The following SHTN1 variants were observed in gnomAD, a reference collection of about 807,000 sequenced individuals.
SHTN1 encodes the protein shootin 1.
A neutral mutation model predicts 83.1 loss-of-function variants in SHTN1; 42 were observed. The ratio of observed to expected loss-of-function variants is 0.51; its 90% CI spans 0.39 to 0.65. SHTN1 has a LOEUF of 0.65. SHTN1 is among the 30% of genes least tolerant of loss of function. SHTN1 has a pLI of 0.00. For synonymous variants in SHTN1, 224 were observed against 247.7 expected, an observed-to-expected ratio of 0.90 and a Z score of 0.90; for missense variants, 622 against 737.8, an observed-to-expected ratio of 0.84 and a Z score of 1.82.
At chr10:116,933,118 C>G (rs1043754440) in intron 9 of SHTN1, among the ~76,000 whole-genome samples, 3 of 152,016 alleles carry the variant, frequency 2.0e-5, no homozygotes, top group African/African-American at 4.8e-5. Flanking sequence ...ACCTGTCCAT[C>G]CAGAGGTACT....
intron 13 of SHTN1, among the ~76,000 whole-genome samples, chr10:116,912,515 G>A (rs1038553246): frequency 6.6e-6 from 1 of 152,200 alleles, no homozygotes; most frequent in African/African-American, 2.4e-5. Flanking sequence ...TTTGAGTTAG[G>A]TGTCTTGATT....
chr10:116,904,477 A>G (rs915175083), intron 15 of SHTN1, among the ~76,000 whole-genome samples: 3 of 151,954 alleles, frequency 2.0e-5, no homozygotes, highest in Admixed American at 1.3e-4. Flanking sequence ...AGGAAACTCA[A>G]AGGAAATTTC....
In SHTN1 at chr10:117,005,123, G is replaced by A. The variant is rs538268797; in HGVS notation, c.-44C>T. 26 of 1,569,034 alleles carry A rather than the reference G, an allele frequency of 1.7e-5. No homozygotes were observed. In the East Asian group the frequency reaches 5.5e-4, roughly 33 times the overall value. ...GAATAAAAGGGAAAGAGGGAGCGGC[G>A]CGGGGCACACAGGAGGAGGGGGAAG... On this transcript the variant is annotated 5_prime_UTR_variant, in exon 1 of 17. Transcript: ENST00000355371.
At chr10:117,101,632 G>A (rs1853596171) in intron 1 of SHTN1, among the ~76,000 whole-genome samples, 1 of 152,184 alleles carries the variant, frequency 6.6e-6, no homozygotes, top group African/African-American at 2.4e-5. Context: ...TAAAAGTGTG[G>A]AACAAGGTCC....
chr10:117,016,833 A>G (rs1361928425), intron 2 of SHTN1, among the ~76,000 whole-genome samples: 1 of 152,212 alleles, frequency 6.6e-6, no homozygotes, highest in African/African-American at 2.4e-5. Flanking sequence ...TCATGTTGAT[A>G]TTAATATATA....
intron 11 of SHTN1, among the ~76,000 whole-genome samples, chr10:116,924,746 ATTTTTTTTTTTTTTTTTTT>A (rs201343735): frequency 4.5e-5 from 4 of 89,528 alleles, no homozygotes; most frequent in African/African-American, 1.6e-4. Flanking sequence ...ATTTTCACCT[ATTTTTTTTTTTTTTTTTTT>A]TTTTTTTTTT....
At chr10:116,953,945 G>T in intron 5 of SHTN1, 97 bp downstream of exon 5, 1 of 1,078,284 alleles carries the variant, frequency 9.3e-7, no homozygotes. Flanking sequence ...TCAGTATTTT[G>T]AAAGCTTCCC....
chr10:116,994,668 T>C (rs1205442505), intron 1 of SHTN1, among the ~76,000 whole-genome samples: 1 of 152,136 alleles, frequency 6.6e-6, no homozygotes, highest in African/African-American at 2.4e-5. Context: ...CTATTTGCTT[T>C]TGAAGCCTTT....
chr10:116,953,623 GTTTTTTTTTTT>G (rs759706275), intron 5 of SHTN1, among the ~76,000 whole-genome samples: 3 of 92,720 alleles, frequency 3.2e-5, no homozygotes, highest in South Asian at 4.2e-4. Flanking sequence ...TTTGTGTTTT[GTTTTTTTTTTT>G]TTTTTTTTTT....
At position 116,931,608 on chromosome 10, in the gene SHTN1, T is replaced by A. The variant is rs188444908; in HGVS notation, c.859-1606A>T. Among the ~76,000 whole-genome samples, 331 of 152,314 alleles carry A rather than the reference T, an allele frequency of 2.2e-3. 1 individual carries two copies. The highest frequency in any genetic ancestry group is 7.5e-3 in the African/African-American group (311 of 41,572). ...TAACCTAAATGTCCACCAATATTTT[T>A]AGTTTAATAAATTATAGCATGTTTA... On this transcript the variant is annotated intron_variant, in intron 9 of 16. Transcript: ENST00000355371.
intron 1 of SHTN1, among the ~76,000 whole-genome samples, chr10:117,084,520 G>A (rs1198124355): frequency 6.6e-6 from 1 of 152,230 alleles, no homozygotes. Context: ...CAGAGGTGGA[G>A]CCTACAGAGG....
chr10:117,039,620 T>C (rs765803547), intron 2 of SHTN1, among the ~76,000 whole-genome samples: 3 of 152,046 alleles, frequency 2.0e-5, no homozygotes, highest in Non-Finnish European at 2.9e-5. Flanking sequence ...TTTGGGAGGC[T>C]GAGGGGGCAG....
In SHTN1 at chr10:116,883,849, G is replaced by A. The variant is rs1047546500; in HGVS notation, c.*2495C>T. The stretch of plus-strand genomic sequence containing the variant: ...TTCAGCTGCTGAAACTGCTGTGGGT[G>A]AGGACTTTGTTTGAGACCAGCTCAC... On this transcript the variant is annotated 3_prime_UTR_variant, in exon 17 of 17. Transcript: ENST00000355371. The A allele has an allele frequency of 5.4e-6, 1 of 183,980 alleles. No individual in the cohort carries two copies. Among genetic ancestry groups the A allele is most frequent in the Non-Finnish European group, 1.2e-5 (1 of 86,316 alleles). 11.4% of individuals were successfully genotyped at this position (183,980 alleles called of 1,614,324 possible).
intron 2 of SHTN1, among the ~76,000 whole-genome samples, chr10:117,040,168 G>A (rs1387507608): frequency 1.3e-5 from 2 of 152,112 alleles, no homozygotes; most frequent in African/African-American, 4.8e-5. Context: ...ACTGTTTTTA[G>A]ATACTGAAAA....
At position 117,124,190 on chromosome 10, in the gene SHTN1, T is replaced by C. The variant is rs1425808527; in HGVS notation, c.-189+2117A>G. 2.8e-5 allele frequency among the ~76,000 whole-genome samples: 4 copies of C among 144,290 alleles called. No individual in the cohort carries two copies. In the East Asian group the frequency reaches 6.3e-4, roughly 23 times the overall value. The allele number at this position is 144,290 out of a possible 152,430, so 94.7% of individuals were successfully genotyped here. On this transcript the variant is annotated intron_variant, in intron 1 of 17. Transcript: ENST00000392901. Reference sequence around the variant, plus strand: ...CTGCACCACTGCACTCCAGCCTGGGTGACAGAGCAAGATTATGTCTCAAAA... The same window carrying C: ...CTGCACCACTGCACTCCAGCCTGGGCGACAGAGCAAGATTATGTCTCAAAA...
At chr10:117,110,721 G>A (rs1011460070) in intron 1 of SHTN1, among the ~76,000 whole-genome samples, 1 of 152,126 alleles carries the variant, frequency 6.6e-6, no homozygotes, top group African/African-American at 2.4e-5. Context: ...CTGCAGCGAG[G>A]AAGTCTGAGT....
intron 1 of SHTN1, among the ~76,000 whole-genome samples, chr10:117,112,478 GA>G (rs1853781939): frequency 6.6e-6 from 1 of 152,312 alleles, no homozygotes; most frequent in South Asian, 2.1e-4. Context: ...ATGTTATTAA[GA>G]CCTTACAACG....
intron 16 of SHTN1, chr10:116,900,342 C>T (rs1847687491): frequency 1.7e-6 from 1 of 585,798 alleles, no homozygotes; most frequent in Non-Finnish European, 3.0e-6. Flanking sequence ...TTGAGCTTCA[C>T]ATCTGCCTTT....
Position 117,004,563 on chromosome 10 carries a change from A to C in SHTN1, c.58+459T>G, listed in dbSNP as rs201848982. ...AGGAAAGAGGAACTAGACCGAATCC[A>C]AACGAAAAGCTGGGAAGGGTGTGAA... On this transcript the variant is annotated intron_variant, in intron 1 of 16. Transcript: ENST00000355371. Among the ~76,000 whole-genome samples the C allele has an allele frequency of 1.7e-4, 26 of 152,304 alleles. No individual in the cohort carries two copies. The East Asian group carries it at 4.8e-3, about 28-fold the overall frequency.
Sources: allele counts gnomAD v4.1 joint callset (sites outside exome capture counted in the v4.1 genomes callset), GRCh38; gene constraint gnomAD v4.1.1; transcripts MANE v1.5; gene names NCBI Gene and HGNC (gene_info 2026-07-23, HGNC 2026-07-21).